The following MAST4 variants were observed in gnomAD, a reference collection of about 807,000 sequenced individuals.
MAST4 encodes microtubule-associated serine/threonine-protein kinase 4.
A neutral mutation model predicts 162.7 loss-of-function variants in MAST4; 89 were observed. The observed-to-expected ratio is 0.55, with a 90% confidence interval of 0.46 to 0.65. The LOEUF is 0.65. Among genes scored for constraint, MAST4 ranks in the 30% least tolerant of loss-of-function variants. The pLI is 0.00. For missense variants in MAST4, 3,153 were observed against 3,374.0 expected (o/e 0.93, Z 1.62); for synonymous variants, 1,479 against 1,361.1 (o/e 1.09, Z -1.91).
At chr5:66,725,075 TGG>T (rs1751428622) in intron 1 of MAST4, among the ~76,000 whole-genome samples, 1 of 151,882 alleles carries the variant, frequency 6.6e-6, no homozygotes, top group Admixed American at 6.6e-5. Context: ...GTGGTGTTTC[TGG>T]TCATATGATT....
chr5:67,105,201 C>T (rs1278011937), intron 10 of MAST4, among the ~76,000 whole-genome samples: 1 of 152,150 alleles, frequency 6.6e-6, no homozygotes, highest in Non-Finnish European at 1.5e-5. Context: ...TATTGCTCTT[C>T]TGGCTGAAAT....
At chr5:66,719,198 C>T (rs1330879225) in intron 1 of MAST4, among the ~76,000 whole-genome samples, 3 of 152,186 alleles carry the variant, frequency 2.0e-5, no homozygotes, top group East Asian at 1.9e-4. Context: ...CAAAAGGCAC[C>T]GCCTTGGGTA....
In MAST4 at chr5:67,136,761, G is replaced by A. The variant is rs73766408; in HGVS notation, c.2494+97G>A. The A allele has an allele frequency of 4.2e-3, 3,635 of 855,924 alleles. 81 individuals are homozygous for A. In the African/African-American group the frequency reaches 0.053, roughly 12 times the overall value. 53.0% of individuals were successfully genotyped at this position (855,924 alleles called of 1,614,324 possible). A position where few individuals can be genotyped will look rare whatever the true frequency, so the allele number is the denominator to read the frequency against. On this transcript the variant is annotated intron_variant, in intron 19 of 28. Coordinates refer to ENST00000403625, the MANE Select transcript of MAST4 (RefSeq NM_001164664.2). ...TGTTGTTGTTTTGCTTTTTGCATAG[G>A]CAACATCTGTTAGTTGATGTAGAAC... is the stretch of plus-strand genomic sequence containing the variant.
intron 4 of MAST4, among the ~76,000 whole-genome samples, chr5:66,933,092 A>G (rs192317816): frequency 3.3e-5 from 5 of 152,294 alleles, no homozygotes; most frequent in East Asian, 1.9e-4. Flanking sequence ...TTACTTTTGC[A>G]TATCTCAAGT....
chr5:66,742,711 G>T (rs1752541181), intron 1 of MAST4, among the ~76,000 whole-genome samples: 1 of 152,148 alleles, frequency 6.6e-6, no homozygotes, highest in Admixed American at 6.5e-5. Flanking sequence ...GTGAAGGTGG[G>T]AACATCTTGA....
chr5:66,998,558 A>C (rs1750923828), intron 4 of MAST4, among the ~76,000 whole-genome samples: 1 of 152,214 alleles, frequency 6.6e-6, no homozygotes, highest in South Asian at 2.1e-4. Context: ...TTTAAAACAC[A>C]TATAGGGTCA....
intron 18 of MAST4, among the ~76,000 whole-genome samples, chr5:67,135,569 T>G (rs893414430): frequency 6.6e-6 from 1 of 152,252 alleles, no homozygotes; most frequent in African/African-American, 2.4e-5. Flanking sequence ...ATCTTTGATT[T>G]TGCAAGCCTT....
At chr5:66,938,613 A>G (rs562432) in intron 4 of MAST4, among the ~76,000 whole-genome samples, 10,255 of 152,252 alleles carry the variant, frequency 0.067, 369 homozygotes, top group East Asian at 0.12. Flanking sequence ...ACACCAAGTT[A>G]TACCTGAACC....
At chr5:66,743,004 C>T (rs570470914) in intron 1 of MAST4, among the ~76,000 whole-genome samples, 34 of 152,310 alleles carry the variant, frequency 2.2e-4, no homozygotes, top group African/African-American at 7.9e-4. Flanking sequence ...TCTGAATGCA[C>T]TCTCACTTCA....
intron 1 of MAST4, among the ~76,000 whole-genome samples, chr5:66,644,854 G>GTCATGA (rs1210824579): frequency 3.9e-4 from 59 of 150,972 alleles, no homozygotes; most frequent in African/African-American, 1.4e-3. Flanking sequence ...CTCTGACTGT[G>GTCATGA]GTGGGTATGG....
In MAST4 at chr5:67,090,238, A is replaced by G; in HGVS notation, c.833+7A>G. 6.2e-7 allele frequency: 1 copy of G among 1,607,942 alleles called. No homozygotes were observed. The highest frequency in any genetic ancestry group is 1.7e-5 in the Admixed American group (1 of 59,862). On this transcript the variant is annotated splice_region_variant and intron_variant, in intron 6 of 28. Transcript: ENST00000403625. ...ATTTTTCATTTGCACGGAGGTAAGGACTTTTTGTGAGTGGAGGCATAAGGT... is the reference window on the plus strand; with the variant it reads ...ATTTTTCATTTGCACGGAGGTAAGGGCTTTTTGTGAGTGGAGGCATAAGGT...
chr5:66,907,181 GAGA>G lies in MAST4; in HGVS notation c.674+7200_674+7202del, dbSNP rs1763416424. Among the ~76,000 whole-genome samples the G allele has an allele frequency of 6.3e-4, 93 of 148,748 alleles. 3 individuals are homozygous for G. The South Asian group carries it at 0.02, about 31-fold the overall frequency. ...AGCGAGAGAGAGAGAGAGAGAGAGA[GAGA>G]GAGAGAGAGAGAGAGAGAGAGAGTC... is the stretch of plus-strand genomic sequence containing the variant. On this transcript the variant is annotated intron_variant, in intron 4 of 28. Coordinates refer to ENST00000403625, the MANE Select transcript of MAST4 (RefSeq NM_001164664.2).
intron 3 of MAST4, among the ~76,000 whole-genome samples, chr5:66,849,738 G>T (rs1393686714): frequency 6.6e-6 from 1 of 152,088 alleles, no homozygotes; most frequent in Non-Finnish European, 1.5e-5. Flanking sequence ...CCAATACATG[G>T]TCAATAAATA....
chr5:66,791,015 A>G (rs934362264), intron 3 of MAST4, among the ~76,000 whole-genome samples: 1 of 152,050 alleles, frequency 6.6e-6, no homozygotes, highest in Non-Finnish European at 1.5e-5. Flanking sequence ...TTCTTAAGTA[A>G]TATATCTTCT....
At chr5:66,850,151 T>C (rs1379678770) in intron 3 of MAST4, among the ~76,000 whole-genome samples, 2 of 152,148 alleles carry the variant, frequency 1.3e-5, no homozygotes, top group Non-Finnish European at 1.5e-5. Flanking sequence ...TGTTAAAAAA[T>C]AAAAAATAAA....
At position 66,638,877 on chromosome 5, in the gene MAST4, T is replaced by C. The variant is rs74879789; in HGVS notation, c.363+41859T>C. ...GATGATGCTTGGGTTTTTGGTGTAA[T>C]TGGGTGCCATTTACTGAGATGGGGA... On this transcript the variant is annotated intron_variant, in intron 1 of 28. Coordinates refer to ENST00000403625, the MANE Select transcript of MAST4 (RefSeq NM_001164664.2). Among the ~76,000 whole-genome samples the C allele has an allele frequency of 6.0e-4, 92 of 152,284 alleles. 1 individual carries two copies. In the East Asian group the frequency reaches 0.017, roughly 29 times the overall value.
chr5:67,003,002 G>C (rs1751463148), intron 4 of MAST4, among the ~76,000 whole-genome samples: 1 of 150,520 alleles, frequency 6.6e-6, no homozygotes, highest in African/African-American at 2.5e-5. Flanking sequence ...CAATGCTCAA[G>C]AAAGCTCCTC....
intron 1 of MAST4, among the ~76,000 whole-genome samples, chr5:66,620,572 G>A (rs1037188898): frequency 6.6e-6 from 1 of 152,126 alleles, no homozygotes; most frequent in Non-Finnish European, 1.5e-5. Flanking sequence ...CTGTAGAAAT[G>A]CTGTAATAGA....
At position 66,628,844 on chromosome 5, in the gene MAST4, T is replaced by C. The variant is rs150697123; in HGVS notation, c.363+31826T>C. Among the ~76,000 whole-genome samples, 23 of 152,310 alleles carry C rather than the reference T, an allele frequency of 1.5e-4. No individual in the cohort carries two copies. In the East Asian group the frequency reaches 4.4e-3, roughly 29 times the overall value. On this transcript the variant is annotated intron_variant, in intron 1 of 28. Coordinates refer to ENST00000403625, the MANE Select transcript of MAST4 (RefSeq NM_001164664.2). ...GGAGAAGCAGAGCTTTTCTTGGTAT[T>C]GAGGTCTGATAAAATTTTCCATAAC...
Sources: gnomAD v4.1 joint callset for allele counts (sites outside exome capture counted in the v4.1 genomes callset) on GRCh38, gnomAD v4.1.1 for gene constraint, MANE v1.5 for transcripts, NCBI Gene and HGNC (gene_info 2026-07-23, HGNC 2026-07-21) for gene names.